UBE2E2: variants seen among roughly 807,000 people sequenced by gnomAD.
UBE2E2 encodes the protein ubiquitin-conjugating enzyme E2 E2.
Under a neutral mutation model 24.7 loss-of-function variants are expected in UBE2E2, and 6 were observed. The ratio of observed to expected loss-of-function variants is 0.24; its 90% CI spans 0.13 to 0.48. The LOEUF (loss-of-function observed/expected upper bound fraction) is 0.48, where lower values mean the gene tolerates loss of function less well. Among genes scored for constraint, UBE2E2 ranks in the 20% least tolerant of loss-of-function variants. The probability of loss-of-function intolerance (pLI) is 0.99; values close to 1 mark genes in which losing one functional copy is unlikely to be tolerated. For missense variants in UBE2E2, 169 were observed against 245.0 expected, an observed-to-expected ratio of 0.69 and a Z score of 2.07; for synonymous variants, 104 against 83.6, an observed-to-expected ratio of 1.24 and a Z score of -1.33.
chr3:23,279,247 G>T (rs1007533357), intron 3 of UBE2E2, among the ~76,000 whole-genome samples: 29 of 151,940 alleles, frequency 1.9e-4, no homozygotes, highest in African/African-American at 6.8e-4. Context: ...TCTTCAGTAT[G>T]TTAAAAAATG....
intron 3 of UBE2E2, among the ~76,000 whole-genome samples, chr3:23,299,315 C>A (rs1268269680): frequency 1.3e-5 from 2 of 152,132 alleles, no homozygotes; most frequent in African/African-American, 4.8e-5. Context: ...TTATTTCTTG[C>A]CTTCTGCTAG....
At chr3:23,235,696 G>A (rs1214629423) in intron 3 of UBE2E2, among the ~76,000 whole-genome samples, 3 of 152,136 alleles carry the variant, frequency 2.0e-5, no homozygotes, top group Non-Finnish European at 4.4e-5. Flanking sequence ...AGGATTTGCT[G>A]ATGGGTAAAT....
At chr3:23,233,041 A>T (rs1697012644) in intron 3 of UBE2E2, among the ~76,000 whole-genome samples, 1 of 152,206 alleles carries the variant, frequency 6.6e-6, no homozygotes, top group South Asian at 2.1e-4. Context: ...AGGCGAATGT[A>T]GCCCTGCATT....
intron 5 of UBE2E2, among the ~76,000 whole-genome samples, chr3:23,585,633 CAG>C (rs945228834): frequency 3.3e-5 from 5 of 152,076 alleles, no homozygotes; most frequent in Non-Finnish European, 7.4e-5. Flanking sequence ...TGAACAAAAA[CAG>C]AAAATGTGGG....
At chr3:23,375,626 A>G (rs1320351612) in intron 3 of UBE2E2, among the ~76,000 whole-genome samples, 1 of 152,166 alleles carries the variant, frequency 6.6e-6, no homozygotes, top group Non-Finnish European at 1.5e-5. Flanking sequence ...ATTATACTTC[A>G]GTGGATATGT....
chr3:23,347,393 G>C (rs1247222586), intron 3 of UBE2E2, among the ~76,000 whole-genome samples: 1 of 152,188 alleles, frequency 6.6e-6, no homozygotes, highest in East Asian at 1.9e-4. Flanking sequence ...ATGAGTTCAT[G>C]TCCTTTGCAG....
intron 4 of UBE2E2, among the ~76,000 whole-genome samples, chr3:23,505,798 A>G (rs1424536810): frequency 1.3e-5 from 2 of 152,222 alleles, no homozygotes; most frequent in African/African-American, 4.8e-5. Flanking sequence ...GAAGGCCTTC[A>G]CTGCTTTTGA....
intron 3 of UBE2E2, among the ~76,000 whole-genome samples, chr3:23,335,648 C>T (rs1177254036): frequency 6.6e-6 from 1 of 152,148 alleles, no homozygotes; most frequent in Non-Finnish European, 1.5e-5. Flanking sequence ...GATCATCCCA[C>T]CTCAGCCTCC....
intron 5 of UBE2E2, among the ~76,000 whole-genome samples, chr3:23,576,252 C>T (rs1696344626): frequency 6.6e-6 from 1 of 152,028 alleles, no homozygotes; most frequent in African/African-American, 2.4e-5. Context: ...AATTATTTCT[C>T]TCATTTTAAG....
At chr3:23,385,974 A>C (rs1484046908) in intron 3 of UBE2E2, among the ~76,000 whole-genome samples, 1 of 152,230 alleles carries the variant, frequency 6.6e-6, no homozygotes, top group Admixed American at 6.5e-5. Context: ...AAAACAAACT[A>C]AATTTTTTCA....
At chr3:23,541,627 A>G (rs961944306) in intron 5 of UBE2E2, among the ~76,000 whole-genome samples, 8 of 152,250 alleles carry the variant, frequency 5.3e-5, no homozygotes, top group African/African-American at 1.9e-4. Flanking sequence ...AGAGTATCCT[A>G]CAGGGAAACC....
At chr3:23,351,854 G>A (rs1037598857) in intron 3 of UBE2E2, among the ~76,000 whole-genome samples, 2 of 152,110 alleles carry the variant, frequency 1.3e-5, no homozygotes, top group Admixed American at 1.3e-4. Flanking sequence ...GGATACCCAG[G>A]AATTGAACTC....
At chr3:23,227,192 T>G in intron 3 of UBE2E2, among the ~76,000 whole-genome samples, 1 of 152,222 alleles carries the variant, frequency 6.6e-6, no homozygotes, top group East Asian at 1.9e-4. Flanking sequence ...TTATTTAGTT[T>G]GGCTGCCTGG....
intron 4 of UBE2E2, among the ~76,000 whole-genome samples, chr3:23,504,159 C>A (rs1439190329): frequency 2.6e-5 from 4 of 152,232 alleles, no homozygotes; most frequent in Middle Eastern, 3.4e-3. Flanking sequence ...CACACATACA[C>A]CTTTTTACAA....
chr3:23,492,060 G>A (rs2125450182), intron 3 of UBE2E2, among the ~76,000 whole-genome samples: 1 of 152,266 alleles, frequency 6.6e-6, no homozygotes, highest in South Asian at 2.1e-4. Context: ...CAGAATGAAG[G>A]TGAAGAGACT....
chr3:23,570,204 A>T (rs1696190064), intron 5 of UBE2E2, among the ~76,000 whole-genome samples: 1 of 152,190 alleles, frequency 6.6e-6, no homozygotes, highest in Non-Finnish European at 1.5e-5. Flanking sequence ...ATAGGTAATA[A>T]GTGAGAACAG....
chr3:23,443,592 C>G (rs935143728), intron 3 of UBE2E2, among the ~76,000 whole-genome samples: 2 of 152,152 alleles, frequency 1.3e-5, no homozygotes, highest in African/African-American at 4.8e-5. Flanking sequence ...AGTGGGGAAT[C>G]CAAAGCAGCG....
chr3:23,438,958 C>T (rs1391302603), intron 3 of UBE2E2, among the ~76,000 whole-genome samples: 2 of 152,154 alleles, frequency 1.3e-5, no homozygotes, highest in African/African-American at 4.8e-5. Context: ...CTACTCAACA[C>T]ACTACATAAT....
chr3:23,534,121 A>G (rs933489532), intron 5 of UBE2E2: 32 of 848,194 alleles, frequency 3.8e-5, no homozygotes, highest in Non-Finnish European at 4.5e-5. Context: ...GTAATGTTGC[A>G]AGAAGGCTTT....
Sources: allele counts gnomAD v4.1 joint callset (sites outside exome capture counted in the v4.1 genomes callset), GRCh38; gene constraint gnomAD v4.1.1; transcripts MANE v1.5; gene names NCBI Gene and HGNC (gene_info 2026-07-23, HGNC 2026-07-21).